Variants in SFXN4 observed in about 807,000 individuals in gnomAD.
SFXN4 encodes the protein sideroflexin 4.
In SFXN4, 48 loss-of-function variants were observed where a neutral mutation model predicts 54.6. The observed-to-expected ratio is 0.88, with a 90% CI of 0.70 to 1.12. The LOEUF is 1.12. SFXN4 is among the 50% of genes most tolerant of loss of function. The pLI, the probability that SFXN4 is intolerant of heterozygous loss-of-function variation, is 0.00. For missense variants in SFXN4, 383 were observed against 409.2 expected, an observed-to-expected ratio of 0.94 and a Z score of 0.55; for synonymous variants, 130 against 145.5, an observed-to-expected ratio of 0.89 and a Z score of 0.77.
chr10:119,152,078 G>A (rs1847093002), intron 11 of SFXN4, among the ~76,000 whole-genome samples: 1 of 151,938 alleles, frequency 6.6e-6, no homozygotes, highest in Non-Finnish European at 1.5e-5. Flanking sequence ...CAAAGTGTTG[G>A]GATTACAGGC....
Position 119,153,767 on chromosome 10 carries a change from AG to A in SFXN4, c.732+1294del, listed in dbSNP as rs200415818. On this transcript the variant is annotated intron_variant, in intron 11 of 13. Coordinates refer to ENST00000355697, the MANE Select transcript of SFXN4 (RefSeq NM_213649.2). Reference sequence around the variant, plus strand: ...TGTCAGATGCCTGTCTGTGGCAGTCAGCCTCACGGGTCACCATGGCAACAGT... The same window carrying A: ...TGTCAGATGCCTGTCTGTGGCAGTCACCTCACGGGTCACCATGGCAACAGT... Among the ~76,000 whole-genome samples the A allele has an allele frequency of 5.9e-5, 9 of 152,314 alleles. No individual in the cohort carries two copies. In the East Asian group the frequency reaches 1.7e-3, roughly 29 times the overall value.
At chr10:119,163,987 C>T (rs1314327237) in intron 2 of SFXN4, 144 bp downstream of exon 2, 2 of 592,672 alleles carry the variant, frequency 3.4e-6, no homozygotes, top group Non-Finnish European at 5.9e-6. Flanking sequence ...TTCTTGTGAG[C>T]CGAGATGGTG....
intron 3 of SFXN4, 39 bp downstream of exon 3, chr10:119,162,301 C>T (rs1347953330): frequency 6.3e-7 from 1 of 1,576,384 alleles, no homozygotes; most frequent in East Asian, 2.2e-5. Flanking sequence ...GCAGAACCAT[C>T]TGAGGGCAAC....
At chr10:119,155,250 G>T in intron 10 of SFXN4, 73 bp from the exon 11 acceptor site, 1 of 1,039,764 alleles carries the variant, frequency 9.6e-7, no homozygotes, top group Non-Finnish European at 1.5e-6. Context: ...CATCTCTTTG[G>T]GTGTCTGCCC....
chr10:119,148,292 A>AG (rs1235241387), intron 11 of SFXN4, among the ~76,000 whole-genome samples: 1 of 152,104 alleles, frequency 6.6e-6, no homozygotes. Flanking sequence ...AGAGAGGCGG[A>AG]GGGGACGCCT....
intron 9 of SFXN4, 81 bp from the exon 10 acceptor site, chr10:119,156,837 T>A: frequency 9.7e-7 from 1 of 1,029,754 alleles, no homozygotes; most frequent in Non-Finnish European, 1.5e-6. Context: ...GAGGTCGCCC[T>A]GACCTAGTTC....
chr10:119,146,858 G>A (rs544881468), intron 12 of SFXN4, among the ~76,000 whole-genome samples: 333 of 152,218 alleles, frequency 2.2e-3, no homozygotes, highest in African/African-American at 7.7e-3. Context: ...GTGAGCCACC[G>A]CACCATCCCA....
rs909245406 is a variant in SFXN4, at chr10:119,156,848, C to A, written c.538-92G>T. The A allele has an allele frequency of 1.2e-4, 110 of 891,112 alleles. 1 individual carries two copies. The East Asian group carries it at 2.9e-3, about 24-fold the overall frequency. 55.2% of individuals were successfully genotyped at this position (891,112 alleles called of 1,614,324 possible). ...CAGAGAGGTCGCCCTGACCTAGTTC[C>A]TATTACAAGTCAGACCACTGCCAGT... On this transcript the variant is annotated intron_variant, in intron 9 of 13. Transcript: ENST00000355697.
intron 1 of SFXN4, 120 bp downstream of exon 1, chr10:119,165,417 G>A (rs1847727927): frequency 1.6e-5 from 21 of 1,338,386 alleles, no homozygotes; most frequent in Non-Finnish European, 2.0e-5. Flanking sequence ...AACTCCGAGA[G>A]GAGGAAACGG....
rs374536351 is a variant in SFXN4 at position 119,165,668 on chromosome 10, C to A, written c.-21G>T. 161 of 1,533,652 alleles carry A rather than the reference C, an allele frequency of 1.0e-4. No individual in the cohort carries two copies. The African/African-American group carries it at 2.0e-3, about 19-fold the overall frequency. ...GACATTTTGCGCTGGTTAGAGTGGC[C>A]GCCGCCGCCAGGCCGCGCGTGGAGG... On this transcript the variant is annotated 5_prime_UTR_variant, in exon 1 of 14. Transcript: ENST00000355697.
chr10:119,146,265 A>G lies in SFXN4; in HGVS notation c.907T>C (p.Ser303Pro). The change falls in exon 13 of 14, where the codon TCT (serine) becomes CCT (proline). Residue 303 changes from serine to proline, a missense_variant. Coordinates refer to ENST00000355697, the MANE Select transcript of SFXN4 (RefSeq NM_213649.2). ...CCAATCTGTGGAAATATACTAAAAG[A>G]AAATGGCACCATCAGTCCCATTGCC... is the stretch of plus-strand genomic sequence containing the variant. ...VLAMGLMVPF[S>P]FSIFPQIGQI... The G allele has an allele frequency of 6.2e-7, 1 of 1,611,502 alleles. No individual in the cohort carries two copies. The highest frequency in any genetic ancestry group is 1.1e-5 in the South Asian group (1 of 90,776).
intron 6 of SFXN4, among the ~76,000 whole-genome samples, chr10:119,159,004 G>A (rs1847401021): frequency 6.7e-6 from 1 of 149,360 alleles, no homozygotes; most frequent in African/African-American, 2.5e-5. Context: ...AACGGTCCAG[G>A]CATGGTGGCT....
chr10:119,157,272 A>C (rs1847311529), intron 9 of SFXN4, among the ~76,000 whole-genome samples: 1 of 152,016 alleles, frequency 6.6e-6, no homozygotes, highest in Non-Finnish European at 1.5e-5. Flanking sequence ...CTACTAAAAA[A>C]TACAAAAAAT....
intron 11 of SFXN4, among the ~76,000 whole-genome samples, chr10:119,152,674 T>C (rs1449586668): frequency 6.6e-6 from 1 of 152,138 alleles, no homozygotes; most frequent in African/African-American, 2.4e-5. Flanking sequence ...GATGGTCTAG[T>C]GGAAATACCA....
intron 11 of SFXN4, among the ~76,000 whole-genome samples, chr10:119,153,944 G>A (rs1246234151): frequency 6.6e-6 from 1 of 151,944 alleles, no homozygotes; most frequent in South Asian, 2.1e-4. Context: ...TTGGGAGGCC[G>A]AGGCGGGCGG....
At chr10:119,160,632 C>G (rs901189563) in intron 5 of SFXN4, among the ~76,000 whole-genome samples, 18 of 144,214 alleles carry the variant, frequency 1.2e-4, no homozygotes, top group Non-Finnish European at 2.5e-4. Context: ...TCTTGTTGCC[C>G]AGGCTGGAGC....
intron 11 of SFXN4, among the ~76,000 whole-genome samples, chr10:119,149,379 G>A (rs1430859690): frequency 2.6e-5 from 4 of 152,118 alleles, no homozygotes; most frequent in African/African-American, 7.2e-5. Context: ...TGACAGTCAC[G>A]CTTGCATGGT....
intron 9 of SFXN4, 48 bp from the exon 10 acceptor site, chr10:119,156,804 A>G: frequency 1.4e-6 from 2 of 1,420,718 alleles, no homozygotes; most frequent in Non-Finnish European, 2.0e-6. Flanking sequence ...CTGAAAAATC[A>G]GCGGAACCTA....
chr10:119,155,201 A>C, intron 10 of SFXN4, 24 bp from the exon 11 acceptor site: 1 of 1,511,248 alleles, frequency 6.6e-7, no homozygotes, highest in Non-Finnish European at 9.2e-7. Flanking sequence ...GAAGTAAAGA[A>C]CACCCAAGAC....
Sources: gnomAD v4.1 joint callset for allele counts (sites outside exome capture counted in the v4.1 genomes callset) on GRCh38, gnomAD v4.1.1 for gene constraint, MANE v1.5 for transcripts, NCBI Gene and HGNC (gene_info 2026-07-23, HGNC 2026-07-21) for gene names.